The following WASF1 variants were observed in gnomAD, a reference collection of about 807,000 sequenced individuals.
WASF1 encodes actin-binding protein WASF1.
Under a neutral mutation model 50.5 loss-of-function variants are expected in WASF1, and 7 were observed. The observed-to-expected ratio is 0.14, with a 90% CI of 0.08 to 0.26. The LOEUF (loss-of-function observed/expected upper bound fraction) is 0.26. Among genes scored for constraint, WASF1 ranks in the 10% least tolerant of loss-of-function variants. WASF1 has a pLI of 1.00. For synonymous variants in WASF1, 205 were observed against 244.0 expected (o/e 0.84, Z 1.49); for missense variants, 470 against 694.7 (o/e 0.68, Z 3.64).
At chr6:110,167,843 T>C (rs990553680) in intron 2 of WASF1, among the ~76,000 whole-genome samples, 35 of 152,162 alleles carry the variant, frequency 2.3e-4, no homozygotes, top group Middle Eastern at 3.4e-3. Context: ...ATGATTGGTA[T>C]AGTCACTTAA....
At chr6:110,120,971 A>G (rs542334431) in intron 4 of WASF1, among the ~76,000 whole-genome samples, 13 of 152,324 alleles carry the variant, frequency 8.5e-5, no homozygotes, top group African/African-American at 3.1e-4. Flanking sequence ...TGCTGGGAAA[A>G]CTGGCTAGCC....
At chr6:110,145,290 G>A (rs1419242036) in intron 3 of WASF1, among the ~76,000 whole-genome samples, 1 of 152,146 alleles carries the variant, frequency 6.6e-6, no homozygotes, top group Non-Finnish European at 1.5e-5. Flanking sequence ...GAATGCTTGT[G>A]ATTTTTGCAC....
chr6:110,144,533 T>C (rs1230181035), intron 3 of WASF1, among the ~76,000 whole-genome samples: 2 of 152,238 alleles, frequency 1.3e-5, no homozygotes, highest in African/African-American at 2.4e-5. Flanking sequence ...CATGAAGTCC[T>C]TGCCCATGCC....
At chr6:110,135,720 T>A (rs1295446688) in intron 3 of WASF1, among the ~76,000 whole-genome samples, 2 of 128,440 alleles carry the variant, frequency 1.6e-5, no homozygotes, top group Non-Finnish European at 3.3e-5. Flanking sequence ...AGGAAGATTA[T>A]CTTTTTTTTT....
intron 2 of WASF1, among the ~76,000 whole-genome samples, chr6:110,178,367 T>C (rs1168049491): frequency 1.3e-5 from 2 of 152,214 alleles, no homozygotes; most frequent in African/African-American, 2.4e-5. Context: ...TTTCTAATTA[T>C]GATATAATGC....
At chr6:110,117,926 C>CTG (rs1382556932) in intron 4 of WASF1, among the ~76,000 whole-genome samples, 1 of 151,850 alleles carries the variant, frequency 6.6e-6, no homozygotes, top group Non-Finnish European at 1.5e-5. Flanking sequence ...CTTCATAAGC[C>CTG]AAGGAGAAAT....
At chr6:110,122,320 T>C (rs559760683) in intron 4 of WASF1, among the ~76,000 whole-genome samples, 2 of 151,402 alleles carry the variant, frequency 1.3e-5, no homozygotes, top group Non-Finnish European at 2.9e-5. Flanking sequence ...AGCGTTCCAA[T>C]TATTCAAGAC....
chr6:110,145,112 G>A (rs934035845), intron 3 of WASF1, among the ~76,000 whole-genome samples: 2 of 152,118 alleles, frequency 1.3e-5, no homozygotes, highest in Admixed American at 6.5e-5. Flanking sequence ...TCTTCCATTT[G>A]TTTGTATCCT....
chr6:110,174,880 C>T (rs985672098), intron 2 of WASF1, among the ~76,000 whole-genome samples: 9 of 152,148 alleles, frequency 5.9e-5, no homozygotes, highest in Non-Finnish European at 1.3e-4. Context: ...AGAATGACTT[C>T]TCTTTTATTC....
At chr6:110,103,610 G>A in intron 8 of WASF1, 53 bp from the exon 9 acceptor site, 2 of 1,474,056 alleles carry the variant, frequency 1.4e-6, no homozygotes, top group Non-Finnish European at 1.8e-6. Context: ...TGGGAGGAAA[G>A]GGTTCTACAT....
At chr6:110,107,015 A>G (rs1382640287) in intron 7 of WASF1, 62 bp downstream of exon 7, 10 of 1,171,120 alleles carry the variant, frequency 8.5e-6, no homozygotes, top group Non-Finnish European at 1.2e-5. Context: ...ATGAAGTTCA[A>G]TATATGCAAC....
intron 8 of WASF1, 58 bp downstream of exon 8, chr6:110,105,349 A>C (rs917312818): frequency 4.0e-6 from 6 of 1,501,596 alleles, no homozygotes; most frequent in Non-Finnish European, 4.5e-6. Flanking sequence ...AGAAGTACAG[A>C]TACTACAAAT....
intron 9 of WASF1, among the ~76,000 whole-genome samples, chr6:110,103,024 CAT>C (rs1352145062): frequency 5.3e-5 from 8 of 152,184 alleles, no homozygotes; most frequent in African/African-American, 1.7e-4. Flanking sequence ...ATACACTGCA[CAT>C]GATATGCTTG....
intron 5 of WASF1, among the ~76,000 whole-genome samples, chr6:110,112,455 A>G (rs756007899): frequency 6.6e-6 from 1 of 152,164 alleles, no homozygotes; most frequent in Non-Finnish European, 1.5e-5. Context: ...ATTTTAGCCT[A>G]TCTGATTATT....
intron 2 of WASF1, 96 bp downstream of exon 2, chr6:110,178,502 C>T (rs556523137): frequency 6.6e-6 from 1 of 152,628 alleles, no homozygotes; most frequent in East Asian, 1.9e-4. Context: ...CTTAGCTAAT[C>T]GTGAATCTAA....
chr6:110,129,110 A>G (rs1774546514), intron 3 of WASF1, among the ~76,000 whole-genome samples: 1 of 152,178 alleles, frequency 6.6e-6, no homozygotes, highest in Non-Finnish European at 1.5e-5. Context: ...CGTCATGATC[A>G]GTGACCAATC....
chr6:110,152,988 G>C (rs967835141), intron 3 of WASF1, among the ~76,000 whole-genome samples: 8 of 152,176 alleles, frequency 5.3e-5, no homozygotes, highest in African/African-American at 1.7e-4. Context: ...GATTCACAGA[G>C]TAGTAACTAT....
rs536564492 is a variant in WASF1 at position 110,131,066 on chromosome 6, A to G, written c.-28-3437T>C. Among the ~76,000 whole-genome samples, 4 of 152,336 alleles carry G rather than the reference A, an allele frequency of 2.6e-5. No homozygotes were observed. The East Asian group carries it at 7.7e-4, about 29-fold the overall frequency. On this transcript the variant is annotated intron_variant, in intron 3 of 10. Transcript: ENST00000392589. ...GGGCTGATTTGTAGAAACACTAGAT[A>G]TGAGCCATTTGAAGGTTATAGGTGA...
intron 9 of WASF1, among the ~76,000 whole-genome samples, 154 bp downstream of exon 9, chr6:110,103,224 T>C (rs1383689562): frequency 1.3e-5 from 2 of 152,234 alleles, no homozygotes; most frequent in South Asian, 2.1e-4. Flanking sequence ...TGTTTATGTA[T>C]ATTCTATGGT....
Sources: allele counts gnomAD v4.1 joint callset (sites outside exome capture counted in the v4.1 genomes callset), GRCh38; gene constraint gnomAD v4.1.1; transcripts MANE v1.5; gene names NCBI Gene and HGNC (gene_info 2026-07-23, HGNC 2026-07-21).